The following SMOC2 variants were observed in gnomAD, a reference collection of about 807,000 sequenced individuals.
SMOC2 encodes the protein SPARC-related modular calcium-binding protein 2.
A neutral mutation model predicts 61.4 loss-of-function variants in SMOC2; 39 were observed. The observed-to-expected ratio is 0.64, with a 90% CI of 0.49 to 0.83. The LOEUF is 0.83. Among genes scored for constraint, SMOC2 ranks in the 40% least tolerant of loss-of-function variants. The pLI is 0.00. For missense variants in SMOC2, 556 were observed against 592.9 expected (o/e 0.94, Z 0.65); for synonymous variants, 247 against 239.9 (o/e 1.03, Z -0.27).
At chr6:168,631,949 G>C (rs1786580619) in intron 9 of SMOC2, among the ~76,000 whole-genome samples, 1 of 152,206 alleles carries the variant, frequency 6.6e-6, no homozygotes, top group Admixed American at 6.5e-5. Context: ...GAGGAGGACA[G>C]GGCTGCTCAA....
intron 7 of SMOC2, among the ~76,000 whole-genome samples, chr6:168,597,150 G>T (rs1785356018): frequency 6.6e-6 from 1 of 152,236 alleles, no homozygotes; most frequent in African/African-American, 2.4e-5. Context: ...AAATATAGGG[G>T]AGAGTCTAAA....
chr6:168,614,984 C>G (rs868149697), intron 9 of SMOC2, among the ~76,000 whole-genome samples: 6 of 29,846 alleles, frequency 2.0e-4, no homozygotes, highest in African/African-American at 5.0e-4. Flanking sequence ...GGCCTCTTCA[C>G]ACCTACAGCC....
At chr6:168,650,647 G>A (rs1337061516) in intron 9 of SMOC2, 34 bp from the exon 10 acceptor site, 6 of 1,587,020 alleles carry the variant, frequency 3.8e-6, no homozygotes, top group Non-Finnish European at 4.3e-6. Flanking sequence ...TAGGCTTTAT[G>A]AGTTAATTAT....
intron 1 of SMOC2, 56 bp from the exon 2 acceptor site, chr6:168,509,859 G>A (rs1782963982): frequency 1.3e-6 from 2 of 1,536,242 alleles, no homozygotes; most frequent in Admixed American, 3.7e-5. Flanking sequence ...TCTGTTTTCT[G>A]CTGCTCTGAA....
chr6:168,628,125 G>A lies in SMOC2; in HGVS notation c.907+19886G>A, dbSNP rs2003389. Among the ~76,000 whole-genome samples, 487 of 152,306 alleles carry A rather than the reference G, an allele frequency of 3.2e-3. 5 individuals are homozygous for A. Among genetic ancestry groups the A allele is most frequent in the African/African-American group, 0.011 (447 of 41,560 alleles). On this transcript the variant is annotated intron_variant, in intron 9 of 12. Coordinates refer to ENST00000356284, the MANE Select transcript of SMOC2 (RefSeq NM_001166412.2). ...CCCTGGGCGCGCCTGTGGCCCCCTAGGTTTGCCATGGCTCACGGATTCTGG... is the reference window on the plus strand; with the variant it reads ...CCCTGGGCGCGCCTGTGGCCCCCTAAGTTTGCCATGGCTCACGGATTCTGG...
At chr6:168,594,854 C>A (rs867073281) in intron 7 of SMOC2, among the ~76,000 whole-genome samples, 7 of 42,352 alleles carry the variant, frequency 1.7e-4, no homozygotes, top group African/African-American at 4.8e-4. Flanking sequence ...TCTAGAGGAT[C>A]TCCGAGCTCC....
At chr6:168,555,313 C>T (rs1366306933) in intron 7 of SMOC2, among the ~76,000 whole-genome samples, 3 of 152,254 alleles carry the variant, frequency 2.0e-5, no homozygotes, top group Non-Finnish European at 4.4e-5. Flanking sequence ...CTCTTGTCTC[C>T]ACCCGTCAAA....
At chr6:168,517,290 G>A (rs889743026) in intron 2 of SMOC2, among the ~76,000 whole-genome samples, 2 of 152,218 alleles carry the variant, frequency 1.3e-5, no homozygotes, top group African/African-American at 4.8e-5. Context: ...TGTGGCCAGC[G>A]GCGCCGTGGC....
At chr6:168,466,284 G>C (rs1050278223) in intron 1 of SMOC2, among the ~76,000 whole-genome samples, 9 of 151,448 alleles carry the variant, frequency 5.9e-5, no homozygotes, top group African/African-American at 2.2e-4. Flanking sequence ...CTGGAACTGG[G>C]GGGCTCTGAG....
intron 4 of SMOC2, among the ~76,000 whole-genome samples, chr6:168,534,489 TG>T (rs1490576966): frequency 3.3e-5 from 5 of 152,232 alleles, no homozygotes; most frequent in Admixed American, 2.0e-4. Flanking sequence ...GGCCCTTCCC[TG>T]GGTGATGACT....
Position 168,544,570 on chromosome 6 carries a change from G to A in SMOC2, c.511+898G>A, listed in dbSNP as rs1304146447. ...TGCCTGTAATCCCAGGTAGTCAGGA[G>A]GTTGAGGCAGGAGAATTGCTTGAGC... On this transcript the variant is annotated intron_variant, in intron 5 of 12. Transcript: ENST00000356284. This position sits in a 1 kb window ranked among gnomAD's most constrained non-coding sequence, Gnocchi z 4.1. 1.3e-5 allele frequency among the ~76,000 whole-genome samples: 2 copies of A among 152,190 alleles called. No homozygotes were observed. Among genetic ancestry groups the A allele is most frequent in the Non-Finnish European group, 2.9e-5 (2 of 68,042 alleles).
chr6:168,625,918 T>A (rs112363352), intron 9 of SMOC2, among the ~76,000 whole-genome samples: 2,458 of 152,320 alleles, frequency 0.016, 70 homozygotes, highest in African/African-American at 0.056. Context: ...ATTCCGTGGT[T>A]ACGTGTTTGA....
chr6:168,595,064 C>T lies in SMOC2; in HGVS notation c.638-3754C>T, dbSNP rs71536620. ...CACGAGCATCTTTCTAGAGGATGGCCGAGCTCCTCCTCCTTCCTGAGGCCT... is the reference window on the plus strand; with the variant it reads ...CACGAGCATCTTTCTAGAGGATGGCTGAGCTCCTCCTCCTTCCTGAGGCCT... On this transcript the variant is annotated intron_variant, in intron 7 of 12. Coordinates refer to ENST00000356284, the MANE Select transcript of SMOC2 (RefSeq NM_001166412.2). Among the ~76,000 whole-genome samples, 23 of 10,194 alleles carry T rather than the reference C, an allele frequency of 2.3e-3. 2 individuals carry two copies. Among genetic ancestry groups the T allele is most frequent in the Non-Finnish European group, 2.7e-3 (11 of 4,024 alleles). The allele number at this position is 10,194 out of a possible 152,430, so 6.7% of individuals were successfully genotyped here.
intron 7 of SMOC2, among the ~76,000 whole-genome samples, chr6:168,589,046 C>T (rs900669453): frequency 2.1e-5 from 3 of 140,710 alleles, no homozygotes; most frequent in Admixed American, 7.5e-5. Flanking sequence ...CACTGCACTC[C>T]AGCCTGCATG....
chr6:168,569,526 C>T (rs1419054526), intron 7 of SMOC2, among the ~76,000 whole-genome samples: 1 of 152,274 alleles, frequency 6.6e-6, no homozygotes, highest in East Asian at 1.9e-4. Flanking sequence ...CTGCAACCTC[C>T]ACTTCCTGGA....
rs1314928636 is a variant in SMOC2, at chr6:168,650,803, G to A, written c.1010+20G>A. The stretch of plus-strand genomic sequence containing the variant: ...AGGCAGGTACGCTGTGTTCGCCGTG[G>A]GACAACAAGTTGGCAGGGTCCCAGA... On this transcript the variant is annotated intron_variant, in intron 10 of 12. Transcript: ENST00000356284. 3.1e-6 allele frequency: 5 copies of A among 1,598,252 alleles called. No homozygotes were observed. In the East Asian group the frequency reaches 1.1e-4, roughly 36 times the overall value.
chr6:168,666,306 G>A, intron 12 of SMOC2, 115 bp from the exon 13 acceptor site: 1 of 1,172,008 alleles, frequency 8.5e-7, no homozygotes, highest in Non-Finnish European at 1.2e-6. Context: ...CACCTCACAT[G>A]ACCTGCCCAG....
At chr6:168,661,108 C>T (rs1420169628) in intron 11 of SMOC2, among the ~76,000 whole-genome samples, 1 of 107,414 alleles carries the variant, frequency 9.3e-6, no homozygotes, top group Non-Finnish European at 2.0e-5. Flanking sequence ...TTTCATTTTC[C>T]TTACAGAATT....
In SMOC2 at chr6:168,543,618, C is replaced by T; in HGVS notation, c.464-7C>T. ...ATTTCATTTCACTCCTTATTTTCCT[C>T]TTTTAGGTTCCGTAAATGAAAAGTT... is the stretch of plus-strand genomic sequence containing the variant. On this transcript the variant is annotated splice_region_variant and splice_polypyrimidine_tract_variant and intron_variant, in intron 4 of 12. Transcript: ENST00000356284. The T allele has an allele frequency of 6.2e-7, 1 of 1,613,244 alleles. No homozygotes were observed. Among genetic ancestry groups the T allele is most frequent in the Non-Finnish European group, 8.5e-7 (1 of 1,179,362 alleles).
Sources: gnomAD v4.1 joint callset for allele counts (sites outside exome capture counted in the v4.1 genomes callset) on GRCh38, gnomAD v4.1.1 for gene constraint, Gnocchi (gnomAD v3.1) non-coding constraint, MANE v1.5 for transcripts, NCBI Gene and HGNC (gene_info 2026-07-23, HGNC 2026-07-21) for gene names.